The following NKD1 variants were observed in gnomAD, a reference collection of about 807,000 sequenced individuals.
NKD1 encodes protein naked cuticle homolog 1.
NKD1 carries 21 observed loss-of-function variants against 56.0 expected under a neutral mutation model. That is an observed-to-expected ratio of 0.38 (90% confidence interval 0.27 to 0.54). The LOEUF (loss-of-function observed/expected upper bound fraction) is 0.54. NKD1 is among the 20% of genes least tolerant of loss of function. The pLI is 0.82. For missense variants in NKD1, 578 were observed against 642.7 expected (o/e 0.90, Z 1.09); for synonymous variants, 263 against 265.7 (o/e 0.99, Z 0.10).
rs1317667535 is a variant in NKD1 at position 50,646,957 on chromosome 16, C to T, written c.*13176C>T. 6.6e-6 allele frequency: 1 copy of T among 152,270 alleles called. No homozygotes were observed. Among genetic ancestry groups the T allele is most frequent in the East Asian group, 1.9e-4 (1 of 5,194 alleles). 9.4% of individuals were successfully genotyped at this position (152,270 alleles called of 1,614,324 possible). ...GTGCTTTTCTTGTCTCCCACATCCC[C>T]AGCCCCAGTAACTAGCAGGGACACA... On this transcript the variant is annotated 3_prime_UTR_variant, in exon 10 of 10. Transcript: ENST00000268459.
At chr16:50,558,018 C>A (rs1398282770) in intron 3 of NKD1, 1 of 152,268 alleles carries the variant, frequency 6.6e-6, no homozygotes, top group South Asian at 2.1e-4. Flanking sequence ...GGAACACACA[C>A]CCTGCCTCAA....
chr16:50,551,176 A>T (rs1010700611), intron 3 of NKD1, among the ~76,000 whole-genome samples: 1 of 144,024 alleles, frequency 6.9e-6, no homozygotes, highest in African/African-American at 2.5e-5. Flanking sequence ...TTTTAATTAA[A>T]TAGTAGTGTT....
At chr16:50,594,579 G>A (rs1961434785) in intron 3 of NKD1, among the ~76,000 whole-genome samples, 1 of 152,252 alleles carries the variant, frequency 6.6e-6, no homozygotes, top group South Asian at 2.1e-4. Context: ...TTCAGGCAAA[G>A]TCTTGGCTTC....
chr16:50,582,554 C>T (rs906823291), intron 3 of NKD1, among the ~76,000 whole-genome samples: 4 of 152,212 alleles, frequency 2.6e-5, no homozygotes, highest in African/African-American at 4.8e-5. Flanking sequence ...GGGGCACTCT[C>T]GTGACACAGC....
intron 4 of NKD1, among the ~76,000 whole-genome samples, chr16:50,609,742 G>A (rs559282944): frequency 4.0e-4 from 61 of 152,272 alleles, no homozygotes; most frequent in Middle Eastern, 3.4e-3. Flanking sequence ...TACTCACTCC[G>A]TTGCCTAGAA....
At chr16:50,571,719 A>G (rs552839867) in intron 3 of NKD1, among the ~76,000 whole-genome samples, 11 of 152,058 alleles carry the variant, frequency 7.2e-5, no homozygotes, top group Non-Finnish European at 1.5e-4. Context: ...TCCTCTTCTA[A>G]GCCATCATCC....
At chr16:50,567,332 C>T (rs1339814899) in intron 3 of NKD1, among the ~76,000 whole-genome samples, 3 of 152,178 alleles carry the variant, frequency 2.0e-5, no homozygotes, top group African/African-American at 4.8e-5. Context: ...CCCAGTAAAC[C>T]GGTCTCCATT....
chr16:50,601,141 T>A (rs1289212082), intron 3 of NKD1, among the ~76,000 whole-genome samples: 9 of 152,312 alleles, frequency 5.9e-5, no homozygotes, highest in Admixed American at 5.2e-4. Flanking sequence ...CCTCCGCAGC[T>A]CTGAGTGGAG....
chr16:50,551,193 G>A (rs904642799), intron 3 of NKD1, among the ~76,000 whole-genome samples: 3 of 147,228 alleles, frequency 2.0e-5, no homozygotes, highest in African/African-American at 7.4e-5. Context: ...TGTTCCCAGC[G>A]AGAGGAATGC....
intron 3 of NKD1, among the ~76,000 whole-genome samples, chr16:50,577,417 G>GA (rs1318485638): frequency 6.6e-6 from 1 of 152,092 alleles, no homozygotes; most frequent in Non-Finnish European, 1.5e-5. Flanking sequence ...ATACACTTAT[G>GA]AAACCATCAC....
chr16:50,551,988 G>A (rs1474372937), intron 3 of NKD1: 3 of 152,192 alleles, frequency 2.0e-5, no homozygotes, highest in African/African-American at 4.8e-5. Context: ...GGGGTAGCTG[G>A]TAGGTTCTTC....
At chr16:50,548,622 T>TCGCCGCCGC (rs969657518) in intron 1 of NKD1, 44 bp downstream of exon 1, 5 of 1,441,450 alleles carry the variant, frequency 3.5e-6, no homozygotes, top group Middle Eastern at 2.0e-4. Context: ...CCCGCCGCCG[T>TCGCCGCCGC]CGCCGCCGCG....
In NKD1 at chr16:50,619,383, C is replaced by T. The variant is rs117818718; in HGVS notation, c.260-2219C>T. On this transcript the variant is annotated intron_variant, in intron 4 of 9. Transcript: ENST00000268459. ...CTTACTGCGTGCCGGCCACTGTGCT[C>T]AGTAAGCACTTTCCTCATTGCCCTT... Among the ~76,000 whole-genome samples, 12 of 152,242 alleles carry T rather than the reference C, an allele frequency of 7.9e-5. No homozygotes were observed. In the East Asian group the frequency reaches 2.3e-3, roughly 29 times the overall value.
chr16:50,573,033 C>G (rs942772741), intron 3 of NKD1: 2 of 185,436 alleles, frequency 1.1e-5, no homozygotes, highest in East Asian at 1.9e-4. Context: ...GTCTCCCCAT[C>G]TGTAAAGCGA....
intron 6 of NKD1, among the ~76,000 whole-genome samples, 200 bp downstream of exon 6, chr16:50,625,780 CAG>C (rs1409520991): frequency 6.6e-6 from 1 of 152,228 alleles, no homozygotes; most frequent in Non-Finnish European, 1.5e-5. Context: ...GAAGAGAAGA[CAG>C]GGAGGGAAGG....
At chr16:50,616,855 C>CG (rs1961972216) in intron 4 of NKD1, among the ~76,000 whole-genome samples, 1 of 152,182 alleles carries the variant, frequency 6.6e-6, no homozygotes, top group Non-Finnish European at 1.5e-5. Flanking sequence ...ATAAGCAATA[C>CG]ACATATCTAG....
At position 50,582,928 on chromosome 16, in the gene NKD1, A is replaced by G. The variant is rs1596719743; in HGVS notation, c.193-25366A>G. 4.0e-5 allele frequency among the ~76,000 whole-genome samples: 6 copies of G among 151,524 alleles called. No homozygotes were observed. In the South Asian group the frequency reaches 1.3e-3, roughly 32 times the overall value. On this transcript the variant is annotated intron_variant, in intron 3 of 9. Coordinates refer to ENST00000268459, the MANE Select transcript of NKD1 (RefSeq NM_033119.5). The stretch of plus-strand genomic sequence containing the variant: ...AGGCTGAGGCAGGAGAATTGCTTGA[A>G]CCCTGGAGGCAGAGGTTGCAGTGAG...
chr16:50,627,121 A>G (rs1463876958), intron 6 of NKD1, among the ~76,000 whole-genome samples: 2 of 152,144 alleles, frequency 1.3e-5, no homozygotes, highest in African/African-American at 4.8e-5. Context: ...TGTAAGTGAC[A>G]GAATACATGC....
At chr16:50,555,560 G>GCA (rs1211134126) in intron 3 of NKD1, 7 of 152,646 alleles carry the variant, frequency 4.6e-5, no homozygotes, top group African/African-American at 1.4e-4. Flanking sequence ...TGTGGGGTGA[G>GCA]GTTGCTGCTC....
Sources: allele counts gnomAD v4.1 joint callset (sites outside exome capture counted in the v4.1 genomes callset), GRCh38; gene constraint gnomAD v4.1.1; transcripts MANE v1.5; gene names NCBI Gene and HGNC (gene_info 2026-07-23, HGNC 2026-07-21).